The following DENND5A variants were observed in gnomAD, a reference collection of about 807,000 sequenced individuals.
DENND5A encodes DENN domain containing 5A.
In DENND5A, 64 loss-of-function variants were observed where a neutral mutation model predicts 140.3. That is an observed-to-expected ratio of 0.46 (90% CI 0.37 to 0.56). The LOEUF is 0.56. Ranked by LOEUF, DENND5A falls within the 20% of genes least tolerant of loss-of-function variation. The probability of loss-of-function intolerance (pLI) is 0.00; values close to 1 mark genes in which losing one functional copy is unlikely to be tolerated. For missense variants in DENND5A, 1,292 were observed against 1,593.8 expected, an observed-to-expected ratio of 0.81 and a Z score of 3.22; for synonymous variants, 605 against 607.7, an observed-to-expected ratio of 1.00 and a Z score of 0.07.
At chr11:9,248,553 G>A (rs1425225125) in intron 1 of DENND5A, among the ~76,000 whole-genome samples, 1 of 152,002 alleles carries the variant, frequency 6.6e-6, no homozygotes, top group Non-Finnish European at 1.5e-5. Flanking sequence ...TACTCCAGAG[G>A]CTGAGTAGGA....
chr11:9,228,122 A>AC (rs1174926079), intron 1 of DENND5A, among the ~76,000 whole-genome samples: 1 of 151,180 alleles, frequency 6.6e-6, no homozygotes, highest in Non-Finnish European at 1.5e-5. Context: ...AAAAAAAAAA[A>AC]AAAAAAAAAA....
At chr11:9,263,835 C>A (rs1852321014) in intron 1 of DENND5A, among the ~76,000 whole-genome samples, 1 of 101,224 alleles carries the variant, frequency 9.9e-6, no homozygotes, top group Non-Finnish European at 1.8e-5. Context: ...GGCGACAGAG[C>A]GAGACTCCGT....
intron 1 of DENND5A, among the ~76,000 whole-genome samples, chr11:9,213,670 G>C (rs1849968329): frequency 6.6e-6 from 1 of 151,728 alleles, no homozygotes. Context: ...AGCCAGGCAT[G>C]GTGGCAGGTG....
At chr11:9,210,769 G>A (rs924788831) in intron 1 of DENND5A, among the ~76,000 whole-genome samples, 6 of 152,188 alleles carry the variant, frequency 3.9e-5, no homozygotes, top group African/African-American at 9.6e-5. Flanking sequence ...CTGGGCTTAC[G>A]CAATCCTCTG....
chr11:9,181,410 A>G (rs1454796031), intron 5 of DENND5A, among the ~76,000 whole-genome samples: 1 of 152,192 alleles, frequency 6.6e-6, no homozygotes, highest in African/African-American at 2.4e-5. Context: ...ATCAAACACA[A>G]AAGTCTCACA....
At chr11:9,227,354 C>T (rs1850575068) in intron 1 of DENND5A, among the ~76,000 whole-genome samples, 1 of 152,026 alleles carries the variant, frequency 6.6e-6, no homozygotes, top group Admixed American at 6.6e-5. Flanking sequence ...CTATTGAGTT[C>T]CAACTATCTA....
At chr11:9,223,469 A>G (rs6486218) in intron 1 of DENND5A, among the ~76,000 whole-genome samples, 94,750 of 151,890 alleles carry the variant, frequency 0.62, 30,180 homozygotes, top group African/African-American at 0.73. Context: ...GAACCTGGGA[A>G]GTGGAGGTTG....
At chr11:9,163,421 G>C (rs1490073798) in intron 11 of DENND5A, among the ~76,000 whole-genome samples, 8 of 152,092 alleles carry the variant, frequency 5.3e-5, no homozygotes, top group Non-Finnish European at 4.4e-5. Flanking sequence ...ATATTAACAT[G>C]TCTAAAATTG....
intron 15 of DENND5A, 31 bp from the exon 16 acceptor site, chr11:9,147,182 C>T (rs771874853): frequency 9.3e-6 from 15 of 1,607,032 alleles, no homozygotes; most frequent in East Asian, 6.7e-5. Context: ...CATCAGTCTC[C>T]GACCAAAAGG....
At chr11:9,178,456 G>A in intron 7 of DENND5A, 90 bp from the exon 8 acceptor site, 2 of 789,188 alleles carry the variant, frequency 2.5e-6, no homozygotes. Flanking sequence ...ATTCTCTGAG[G>A]CTGCCTAGGT....
chr11:9,165,006 T>C (rs1192190765), intron 11 of DENND5A, among the ~76,000 whole-genome samples: 2 of 152,180 alleles, frequency 1.3e-5, no homozygotes, highest in Non-Finnish European at 2.9e-5. Context: ...CTGTTGTTCT[T>C]TTTTTTGTTT....
At chr11:9,263,609 G>A (rs1487770981) in intron 1 of DENND5A, among the ~76,000 whole-genome samples, 2 of 147,748 alleles carry the variant, frequency 1.4e-5, no homozygotes, top group African/African-American at 4.9e-5. Flanking sequence ...TTGGGAGGCC[G>A]AGGCGGGTGG....
intron 1 of DENND5A, among the ~76,000 whole-genome samples, chr11:9,236,510 C>T (rs576780827): frequency 2.9e-4 from 44 of 151,138 alleles, no homozygotes; most frequent in African/African-American, 7.5e-4. Flanking sequence ...CCAGCCTGGG[C>T]GACAAGAGCA....
Position 9,145,122 on chromosome 11 carries a change from G to A in DENND5A, c.3004-9C>T. The A allele has an allele frequency of 6.3e-7, 1 of 1,579,108 alleles. No homozygotes were observed. The highest frequency in any genetic ancestry group is 8.7e-7 in the Non-Finnish European group (1 of 1,148,108). On this transcript the variant is annotated splice_polypyrimidine_tract_variant and intron_variant, in intron 17 of 22. Coordinates refer to ENST00000328194, the MANE Select transcript of DENND5A (RefSeq NM_015213.4). ...TTCCCCAAGTTCTGGCACTATTAGAGAATAGAGAAGATGAGGTAGGTCAGG... is the reference window on the plus strand; with the variant it reads ...TTCCCCAAGTTCTGGCACTATTAGAAAATAGAGAAGATGAGGTAGGTCAGG...
At chr11:9,228,130 A>AC (rs1319750912) in intron 1 of DENND5A, among the ~76,000 whole-genome samples, 3 of 151,348 alleles carry the variant, frequency 2.0e-5, no homozygotes, top group Non-Finnish European at 2.9e-5. Context: ...AAAAAAAAAA[A>AC]AACTTACATT....
chr11:9,146,331 G>A (rs1373251608), intron 16 of DENND5A, among the ~76,000 whole-genome samples: 1 of 152,188 alleles, frequency 6.6e-6, no homozygotes, highest in East Asian at 1.9e-4. Flanking sequence ...TGCAGCATCA[G>A]ACAGAAACAA....
chr11:9,207,319 T>C (rs913678631), intron 2 of DENND5A: 1 of 518,148 alleles, frequency 1.9e-6, no homozygotes, highest in East Asian at 3.4e-5. Flanking sequence ...ATTTCTGGAA[T>C]TGTCCTTTGT....
chr11:9,224,839 CAG>C (rs1850466147), intron 1 of DENND5A, among the ~76,000 whole-genome samples: 1 of 136,316 alleles, frequency 7.3e-6, no homozygotes, highest in Admixed American at 8.1e-5. Flanking sequence ...GCCTGGGCAA[CAG>C]AGCAAGACTC....
rs2136171578 is a variant in DENND5A at position 9,178,119 on chromosome 11, A to C, written c.1906+13T>G. ...CCAAGAGGCCTGAATGTACATTTCC[A>C]AGGAGGCCTTACCTGCTTCATCCAC... On this transcript the variant is annotated intron_variant, in intron 8 of 22. Transcript: ENST00000328194. The C allele has an allele frequency of 6.4e-7, 1 of 1,570,586 alleles. No homozygotes were observed. The highest frequency in any genetic ancestry group is 1.1e-5 in the South Asian group (1 of 90,196).
Sources: allele counts gnomAD v4.1 joint callset (sites outside exome capture counted in the v4.1 genomes callset), GRCh38; gene constraint gnomAD v4.1.1; transcripts MANE v1.5; gene names NCBI Gene and HGNC (gene_info 2026-07-23, HGNC 2026-07-21).